VPS13B: variants seen among roughly 807,000 people sequenced by gnomAD.
VPS13B encodes the protein intermembrane lipid transfer protein VPS13B.
VPS13B carries 285 observed loss-of-function variants against 426.4 expected under a neutral mutation model. That is an observed-to-expected ratio of 0.67 (90% CI 0.61 to 0.74). The LOEUF (loss-of-function observed/expected upper bound fraction) is 0.74. VPS13B is among the 30% of genes least tolerant of loss of function. VPS13B has a pLI of 0.00. For synonymous variants in VPS13B, 1,676 were observed against 1,676.4 expected (o/e 1.00, Z 0.01); for missense variants, 4,537 against 4,782.6 (o/e 0.95, Z 1.51).
rs761491720 is a variant in VPS13B, at chr8:99,013,921, G to A, written c.133G>A (p.Asp45Asn). 7 of 1,614,116 alleles carry A rather than the reference G, an allele frequency of 4.3e-6. No homozygotes were observed. The highest frequency in any genetic ancestry group is 4.5e-5 in the East Asian group (2 of 44,874). Reference protein sequence around the residue: ...VVLSKLELKLDVLEQELKLPF... With the variant: ...VVLSKLELKLNVLEQELKLPF... Reference sequence around the variant, plus strand: ...ACTCAGCAAGCTCGAGTTAAAGTTGGATGTGCTGGAACAGGTAAGCTATTT... The same window carrying A: ...ACTCAGCAAGCTCGAGTTAAAGTTGAATGTGCTGGAACAGGTAAGCTATTT... The change falls in exon 2 of 62, where the codon GAT becomes AAT. Residue 45 changes from aspartate (D) to asparagine (N), a missense_variant. Coordinates refer to ENST00000357162, the MANE Select transcript of VPS13B (RefSeq NM_152564.5).
intron 21 of VPS13B, among the ~76,000 whole-genome samples, chr8:99,422,207 A>G (rs1816415528): frequency 6.6e-6 from 1 of 152,190 alleles, no homozygotes; most frequent in Admixed American, 6.5e-5. Flanking sequence ...TATATCCAAA[A>G]TAGTGTACTT....
intron 2 of VPS13B, among the ~76,000 whole-genome samples, chr8:99,022,866 C>T (rs189893440): frequency 6.6e-6 from 1 of 150,804 alleles, no homozygotes; most frequent in South Asian, 2.1e-4. Context: ...GAAAAGTGTC[C>T]CTCTTTTTTT....
At chr8:99,777,616 C>T (rs1047381514) in intron 41 of VPS13B, among the ~76,000 whole-genome samples, 2 of 152,140 alleles carry the variant, frequency 1.3e-5, no homozygotes, top group Non-Finnish European at 2.9e-5. Flanking sequence ...TGTTCTTGTT[C>T]AGTATCCTGA....
intron 30 of VPS13B, among the ~76,000 whole-genome samples, chr8:99,533,393 T>C (rs1466820274): frequency 6.6e-6 from 1 of 152,224 alleles, no homozygotes; most frequent in East Asian, 1.9e-4. Context: ...TGACAGTAGC[T>C]TTAAAAAAAT....
chr8:99,763,842 A>G (rs1411025073), intron 39 of VPS13B, among the ~76,000 whole-genome samples: 2 of 152,156 alleles, frequency 1.3e-5, no homozygotes, highest in South Asian at 2.1e-4. Context: ...ATGTGCTACT[A>G]TTTCATCACA....
chr8:99,640,118 A>C (rs1419656460), intron 33 of VPS13B, among the ~76,000 whole-genome samples: 1 of 151,490 alleles, frequency 6.6e-6, no homozygotes, highest in Non-Finnish European at 1.5e-5. Context: ...AAAGAAGAAG[A>C]AGCAATACCC....
At chr8:99,027,638 C>T (rs1587931316) in intron 2 of VPS13B, among the ~76,000 whole-genome samples, 1 of 151,994 alleles carries the variant, frequency 6.6e-6, no homozygotes, top group East Asian at 1.9e-4. Context: ...TCTTGGCTCA[C>T]AGTTTGTTTT....
At chr8:99,539,813 T>C (rs1823460126) in intron 30 of VPS13B, among the ~76,000 whole-genome samples, 1 of 151,406 alleles carries the variant, frequency 6.6e-6, no homozygotes, top group African/African-American at 2.4e-5. Context: ...CAAATAAGTA[T>C]TGATGCTAAC....
chr8:99,040,126 C>A (rs992466461), intron 3 of VPS13B, among the ~76,000 whole-genome samples: 1 of 151,376 alleles, frequency 6.6e-6, no homozygotes, highest in African/African-American at 2.4e-5. Flanking sequence ...GTACTTTTTT[C>A]ATTGAGAAGG....
chr8:99,526,295 C>A (rs1206616946), intron 30 of VPS13B, among the ~76,000 whole-genome samples: 2 of 152,026 alleles, frequency 1.3e-5, no homozygotes, highest in Admixed American at 1.3e-4. Context: ...ATATGAATTT[C>A]TTTTGCTTAT....
At chr8:99,272,651 G>A (rs542661887) in intron 17 of VPS13B, among the ~76,000 whole-genome samples, 1 of 152,106 alleles carries the variant, frequency 6.6e-6, no homozygotes, top group South Asian at 2.1e-4. Context: ...TCTCCCTTTT[G>A]ATTAAGTTTT....
chr8:99,587,089 T>A (rs1489570954), intron 33 of VPS13B, among the ~76,000 whole-genome samples: 1 of 152,184 alleles, frequency 6.6e-6, no homozygotes, highest in Admixed American at 6.6e-5. Flanking sequence ...TTTCTGTCCT[T>A]CCAATAGTTT....
chr8:99,349,221 T>C (rs1312771498), intron 19 of VPS13B, among the ~76,000 whole-genome samples: 1 of 144,536 alleles, frequency 6.9e-6, no homozygotes, highest in Non-Finnish European at 1.5e-5. Context: ...TAGTCCCAGC[T>C]ACTTGGGAGG....
intron 30 of VPS13B, among the ~76,000 whole-genome samples, chr8:99,553,710 T>A (rs573738167): frequency 2.5e-4 from 38 of 152,190 alleles, no homozygotes; most frequent in African/African-American, 8.9e-4. Flanking sequence ...TTTCCCCAAC[T>A]GAGATTTGGA....
Position 99,870,980 on chromosome 8 carries a change from G to A in VPS13B, c.11495+93G>A, listed in dbSNP as rs1318877242. The stretch of plus-strand genomic sequence containing the variant: ...TCAAGCTAATGGGCCATGCTTCCAG[G>A]GAGCCCAGGAGTAGCCATTGTTGGC... On this transcript the variant is annotated intron_variant, in intron 60 of 61. Transcript: ENST00000357162. 18 of 1,262,716 alleles carry A rather than the reference G, an allele frequency of 1.4e-5. 1 individual carries two copies. The highest frequency in any genetic ancestry group is 1.7e-5 in the Non-Finnish European group (15 of 878,920). 78.2% of individuals were successfully genotyped at this position (1,262,716 alleles called of 1,614,324 possible).
chr8:99,160,401 G>A (rs1353442715), intron 15 of VPS13B, among the ~76,000 whole-genome samples: 2 of 152,184 alleles, frequency 1.3e-5, no homozygotes, highest in Non-Finnish European at 2.9e-5. Context: ...GCTAACGCCT[G>A]TAATCTCAGC....
At chr8:99,087,546 G>A (rs1164946230) in intron 3 of VPS13B, among the ~76,000 whole-genome samples, 4 of 150,822 alleles carry the variant, frequency 2.7e-5, no homozygotes, top group Non-Finnish European at 2.9e-5. Context: ...CTTCTGCATC[G>A]CTCATGTTGG....
At chr8:99,365,691 A>AT (rs1428207341) in intron 19 of VPS13B, among the ~76,000 whole-genome samples, 1 of 150,952 alleles carries the variant, frequency 6.6e-6, no homozygotes, top group Non-Finnish European at 1.5e-5. Context: ...TAATTTTTGT[A>AT]TTTTTAGTAG....
Position 99,107,509 on chromosome 8 carries a change from A to AT in VPS13B, c.581-3579dup, listed in dbSNP as rs35230139. On this transcript the variant is annotated intron_variant, in intron 5 of 61. Coordinates refer to ENST00000357162, the MANE Select transcript of VPS13B (RefSeq NM_152564.5). Reference sequence around the variant, plus strand: ...TTTAACTCATTCCTTCCCCTTACGTATTTTTTTTTTATAATTTCCAAGACT... The same window carrying AT: ...TTTAACTCATTCCTTCCCCTTACGTATTTTTTTTTTTATAATTTCCAAGACT... 2.4e-3 allele frequency among the ~76,000 whole-genome samples: 359 copies of AT among 149,288 alleles called. 2 individuals are homozygous for AT. Among genetic ancestry groups the AT allele is most frequent in the Middle Eastern group, 3.5e-3 (1 of 284 alleles).
Sources: allele counts gnomAD v4.1 joint callset (sites outside exome capture counted in the v4.1 genomes callset), GRCh38; gene constraint gnomAD v4.1.1; transcripts MANE v1.5; gene names NCBI Gene and HGNC (gene_info 2026-07-23, HGNC 2026-07-21).